ZNF385D: variants seen among roughly 807,000 people sequenced by gnomAD.
ZNF385D encodes the protein zinc finger protein 385D.
ZNF385D carries 15 observed loss-of-function variants against 35.8 expected under a neutral mutation model. That is an observed-to-expected ratio of 0.42 (90% confidence interval 0.28 to 0.64). The LOEUF (loss-of-function observed/expected upper bound fraction) is 0.64, where lower values mean the gene tolerates loss of function less well. Ranked by LOEUF, ZNF385D falls within the 30% of genes least tolerant of loss-of-function variation. The pLI, the probability that ZNF385D is intolerant of heterozygous loss-of-function variation, is 0.23. For missense variants in ZNF385D, 474 were observed against 494.6 expected (o/e 0.96, Z 0.39); for synonymous variants, 212 against 186.8 (o/e 1.13, Z -1.10).
intron 2 of ZNF385D, among the ~76,000 whole-genome samples, chr3:22,300,914 C>T (rs2125411633): frequency 6.6e-6 from 1 of 152,118 alleles, no homozygotes; most frequent in East Asian, 1.9e-4. Flanking sequence ...CTACCATATG[C>T]TCCTCCAATA....
At chr3:22,131,000 A>G (rs1469711499) in intron 3 of ZNF385D, among the ~76,000 whole-genome samples, 1 of 152,104 alleles carries the variant, frequency 6.6e-6, no homozygotes, top group African/African-American at 2.4e-5. Context: ...AAAAAAAAAT[A>G]TTGAGAATCA....
intron 2 of ZNF385D, among the ~76,000 whole-genome samples, chr3:22,247,324 A>G (rs1481071098): frequency 6.6e-6 from 1 of 152,274 alleles, no homozygotes; most frequent in East Asian, 1.9e-4. Context: ...TAAAAATGGT[A>G]CAGTAGAAAG....
chr3:21,743,576 C>T (rs935880960), intron 1 of ZNF385D, among the ~76,000 whole-genome samples: 4 of 152,220 alleles, frequency 2.6e-5, no homozygotes, highest in South Asian at 2.1e-4. Context: ...GCAGCAGTTA[C>T]GTTCTTGCTA....
intron 3 of ZNF385D, among the ~76,000 whole-genome samples, chr3:22,035,756 T>G (rs1698275832): frequency 6.6e-6 from 1 of 152,192 alleles, no homozygotes; most frequent in South Asian, 2.1e-4. Context: ...GGGCTGTGGT[T>G]CATTCTAAGA....
At chr3:21,570,432 G>A (rs2063300892) in intron 2 of ZNF385D, among the ~76,000 whole-genome samples, 2 of 152,178 alleles carry the variant, frequency 1.3e-5, no homozygotes, top group South Asian at 4.1e-4. Context: ...GCTTAACCCT[G>A]AGTTGACAGT....
At chr3:21,831,700 G>C (rs1379306071) in intron 3 of ZNF385D, among the ~76,000 whole-genome samples, 1 of 152,130 alleles carries the variant, frequency 6.6e-6, no homozygotes, top group Non-Finnish European at 1.5e-5. Context: ...GAGTTAGATC[G>C]CTTTGCCTTC....
chr3:22,294,300 G>A (rs968549360), intron 2 of ZNF385D, among the ~76,000 whole-genome samples: 1 of 152,046 alleles, frequency 6.6e-6, no homozygotes, highest in Admixed American at 6.6e-5. Context: ...TCCTATTGGT[G>A]CCTCTTTGTA....
rs190233055 is a variant in ZNF385D, at chr3:22,186,667, A to C, written c.107-17632T>G. Reference sequence around the variant, plus strand: ...AAGAATTTGATATATTTTTGGTCTCATGAGAATAATTTCCTACTGAGATCT... The same window carrying C: ...AAGAATTTGATATATTTTTGGTCTCCTGAGAATAATTTCCTACTGAGATCT... On this transcript the variant is annotated intron_variant, in intron 2 of 5. Transcript: ENST00000494108. Among the ~76,000 whole-genome samples the C allele has an allele frequency of 8.8e-4, 134 of 152,238 alleles. 1 individual carries two copies. Among genetic ancestry groups the C allele is most frequent in the African/African-American group, 3.0e-3 (124 of 41,556 alleles).
intron 4 of ZNF385D, among the ~76,000 whole-genome samples, chr3:21,460,606 AT>A (rs1160940153): frequency 6.6e-6 from 1 of 152,192 alleles, no homozygotes; most frequent in East Asian, 1.9e-4. Flanking sequence ...GGGTTCTCTA[AT>A]GAACACTCAA....
intron 2 of ZNF385D, among the ~76,000 whole-genome samples, chr3:22,361,538 C>G (rs1303509466): frequency 6.6e-6 from 1 of 151,986 alleles, no homozygotes; most frequent in Non-Finnish European, 1.5e-5. Context: ...CATTTTGAAG[C>G]AGTTTTCAAA....
At chr3:21,896,365 C>A (rs1699136974) in intron 3 of ZNF385D, among the ~76,000 whole-genome samples, 1 of 151,510 alleles carries the variant, frequency 6.6e-6, no homozygotes, top group African/African-American at 2.4e-5. Flanking sequence ...TAGATACCAA[C>A]TTCCTAAAGG....
chr3:21,446,511 T>G (rs1248616129), intron 4 of ZNF385D, among the ~76,000 whole-genome samples: 2 of 146,326 alleles, frequency 1.4e-5, no homozygotes, highest in African/African-American at 2.5e-5. Flanking sequence ...TTTTTTTTTT[T>G]GAGACAGAGT....
At chr3:21,524,080 A>C (rs905443118) in intron 3 of ZNF385D, among the ~76,000 whole-genome samples, 5 of 152,168 alleles carry the variant, frequency 3.3e-5, no homozygotes, top group African/African-American at 1.2e-4. Flanking sequence ...GCACGATTGG[A>C]GATTTCATTT....
rs117471834 is a variant in ZNF385D at position 21,630,607 on chromosome 3, T to G, written c.165+34279A>C. Among the ~76,000 whole-genome samples, 17 of 152,254 alleles carry G rather than the reference T, an allele frequency of 1.1e-4. No homozygotes were observed. In the East Asian group the frequency reaches 3.1e-3, roughly 28 times the overall value. The stretch of plus-strand genomic sequence containing the variant: ...ATGTACACTTAGGCAGCTCTTCATC[T>G]TTTTGGGCCTCACTCTGCACATCTG... On this transcript the variant is annotated intron_variant, in intron 2 of 7. Coordinates refer to ENST00000281523, the MANE Select transcript of ZNF385D (RefSeq NM_024697.3).
chr3:21,462,722 C>G (rs1703252153), intron 4 of ZNF385D, among the ~76,000 whole-genome samples: 1 of 152,160 alleles, frequency 6.6e-6, no homozygotes. Context: ...TGGCTTACGC[C>G]TGTAATCCTA....
At chr3:21,834,434 C>G (rs927621620) in intron 3 of ZNF385D, among the ~76,000 whole-genome samples, 5 of 152,102 alleles carry the variant, frequency 3.3e-5, no homozygotes, top group Non-Finnish European at 7.4e-5. Flanking sequence ...GGTGTATCCT[C>G]TTTCTTTCAC....
In ZNF385D at chr3:22,176,814, G is replaced by C. The variant is rs563387407; in HGVS notation, c.107-7779C>G. 3.3e-5 allele frequency among the ~76,000 whole-genome samples: 5 copies of C among 152,144 alleles called. 1 individual carries two copies. The South Asian group carries it at 1.0e-3, about 32-fold the overall frequency. On this transcript the variant is annotated intron_variant, in intron 2 of 5. Coordinates refer to the ZNF385D transcript ENST00000494108. ...CTAAAATATTTTTGAGGCCAAATGG[G>C]AGCCCATAGTTTAACCTCGAAAATA...
At chr3:21,729,005 G>A (rs1012482176) in intron 1 of ZNF385D, among the ~76,000 whole-genome samples, 12 of 152,298 alleles carry the variant, frequency 7.9e-5, no homozygotes, top group South Asian at 4.1e-4. Context: ...ACATATGCAA[G>A]GAACCTACTA....
intron 4 of ZNF385D, among the ~76,000 whole-genome samples, chr3:21,454,053 G>A (rs932259707): frequency 4.6e-5 from 7 of 151,988 alleles, no homozygotes; most frequent in African/African-American, 1.7e-4. Flanking sequence ...TTACAACATG[G>A]ATGAACCTTG....
Sources: allele counts gnomAD v4.1 joint callset (sites outside exome capture counted in the v4.1 genomes callset), GRCh38; gene constraint gnomAD v4.1.1; transcripts MANE v1.5; gene names NCBI Gene and HGNC (gene_info 2026-07-23, HGNC 2026-07-21).